MUC4: variants seen among roughly 807,000 people sequenced by gnomAD.
The protein encoded by MUC4 is mucin 4, cell surface associated, also known as mucin-4.
A neutral mutation model predicts 257.9 loss-of-function variants in MUC4; 202 were observed. That is an observed-to-expected ratio of 0.78 (90% CI 0.70 to 0.88). The LOEUF (loss-of-function observed/expected upper bound fraction) is 0.88, where lower values mean the gene tolerates loss of function less well. Ranked by LOEUF, MUC4 falls within the 40% of genes least tolerant of loss-of-function variation. MUC4 has a pLI of 0.00. For synonymous variants in MUC4, 2,351 were observed against 2,757.1 expected (o/e 0.85, Z 4.62); for missense variants, 5,976 against 6,513.7 (o/e 0.92, Z 2.84).
rs71321850 is a variant in MUC4 at position 195,788,270 on chromosome 3, A to C, written c.3310T>G (p.Ser1104Ala). The change falls in exon 2 of 25, where the codon TCT (serine) becomes GCT (alanine). Residue 1104 changes from serine (S) to alanine (A), a missense_variant. Physicochemically the swap from Ser to Ala is moderately conservative, Grantham distance 99. Around this residue, in one of 44 missense-constraint regions of MUC4, gnomAD observed 68 missense variants for 90.4 expected, o/e 0.75. Transcript: ENST00000463781. Reference sequence around the variant, plus strand: ...GAGGAAGTGTCGGTGACAGGAAGAGAGGTGGCGTGACCTGTGGATGCTGAG... The same window carrying C: ...GAGGAAGTGTCGGTGACAGGAAGAGCGGTGGCGTGACCTGTGGATGCTGAG... ...TSSASTGHAT[S>A]LPVTDTSSVS... The C allele has an allele frequency of 2.8e-6, 1 of 360,354 alleles. No individual in the cohort carries two copies. Among genetic ancestry groups the C allele is most frequent in the Non-Finnish European group, 3.4e-6 (1 of 291,622 alleles). The allele number at this position is 360,354 out of a possible 1,614,324, so 22.3% of individuals were successfully genotyped here.
Position 195,782,090 on chromosome 3 carries a change from C to G in MUC4, c.9490G>C (p.Gly3164Arg). Residue 3164 changes from glycine (G) to arginine (R), a missense_variant, in exon 2 of 25, where the codon GGT becomes CGT. Gly to Arg is a moderately radical substitution (Grantham distance 125, BLOSUM62 -2). Coordinates refer to ENST00000463781, the MANE Select transcript of MUC4 (RefSeq NM_018406.7). Reference protein sequence around the residue: ...PVTDTSSASTGQATPLPVTSL... With the variant: ...PVTDTSSASTRQATPLPVTSL... Reference sequence around the variant, plus strand: ...GTGACAGGAAGAGGGGTGGCCTGACCTGTGGATGCTGAGGAAGTGTCGGTG... The same window carrying G: ...GTGACAGGAAGAGGGGTGGCCTGACGTGTGGATGCTGAGGAAGTGTCGGTG... 7.3e-7 allele frequency: 1 copy of G among 1,371,442 alleles called. No individual in the cohort carries two copies. The highest frequency in any genetic ancestry group is 9.6e-7 in the Non-Finnish European group (1 of 1,040,672). 85.0% of individuals were successfully genotyped at this position (1,371,442 alleles called of 1,614,324 possible).
chr3:195,754,364 G>A lies in MUC4; in HGVS notation c.15177C>T (p.Gly5059=). 2 of 1,607,790 alleles carry A rather than the reference G, an allele frequency of 1.2e-6. No individual in the cohort carries two copies. Among genetic ancestry groups the A allele is most frequent in the Non-Finnish European group, 1.7e-6 (2 of 1,177,380 alleles). ...RVGNSSLEVA[G]CKCDGGTFGR... ...CGAAGGTGCCCCCGTCACACTTGCA[G>A]CCAGCCACCTGGAGGAGGGTTGCCG... The change falls in exon 19 of 25, where the codon GGC becomes GGT. Residue 5059 remains glycine (G), a synonymous_variant. Coordinates refer to ENST00000463781, the MANE Select transcript of MUC4 (RefSeq NM_018406.7).
At chr3:195,749,171 G>A in intron 23 of MUC4, 107 bp from the exon 24 acceptor site, 3 of 1,380,644 alleles carry the variant, frequency 2.2e-6, no homozygotes, top group South Asian at 1.3e-5. Flanking sequence ...GAAATAATTG[G>A]AGAAGTGCAC....
intron 3 of MUC4, among the ~76,000 whole-genome samples, chr3:195,775,731 C>A (rs1213563234): frequency 8.3e-5 from 2 of 23,998 alleles, no homozygotes; most frequent in South Asian, 1.1e-3. Flanking sequence ...ACATCCATAC[C>A]TTCCACACCC....
rs1728970580 is a variant in MUC4 at position 195,782,872 on chromosome 3, GAAAGGC to G, written c.8702_8707del (p.Ser2901_Ser2903delinsThr). 1 of 1,520,978 alleles carries G rather than the reference GAAAGGC, an allele frequency of 6.6e-7. No homozygotes were observed. Among genetic ancestry groups the G allele is most frequent in the African/African-American group, 1.5e-5 (1 of 68,474 alleles). The allele number at this position is 1,520,978 out of a possible 1,614,324, so 94.2% of individuals were successfully genotyped here. A position where few individuals can be genotyped will look rare whatever the true frequency, so the allele number is the denominator to read the frequency against. On this transcript the variant is annotated inframe_deletion, in exon 2 of 25. Transcript: ENST00000463781. ...CGTGGTGTCACCTGTGGATACTGAG[GAAAGGC>G]TGGTGAGAGGAAGAGGGGTAGCGTG...
chr3:195,811,712 T>G, intron 1 of MUC4, 24 bp downstream of exon 1: 2 of 1,611,006 alleles, frequency 1.2e-6, no homozygotes, highest in South Asian at 1.1e-5. Flanking sequence ...GCAGCCAGCC[T>G]CATCTGCTGT....
intron 1 of MUC4, among the ~76,000 whole-genome samples, chr3:195,802,406 C>CACACCCCT (rs1560418892): frequency 3.3e-5 from 5 of 152,206 alleles, no homozygotes; most frequent in African/African-American, 9.7e-5. Flanking sequence ...CAGCCTCCAC[C>CACACCCCT]GCACCCCTGT....
intron 3 of MUC4, 141 bp downstream of exon 3, chr3:195,778,162 G>A: frequency 2.6e-6 from 3 of 1,154,548 alleles, no homozygotes; most frequent in East Asian, 2.8e-5. Context: ...CCAGCCCTCA[G>A]GAGCGACTCC....
intron 7 of MUC4, among the ~76,000 whole-genome samples, chr3:195,767,728 C>T (rs1560264119): frequency 2.6e-4 from 1 of 3,800 alleles, no homozygotes; most frequent in Non-Finnish European, 5.4e-4. Context: ...CCACCACCAT[C>T]ACCACCACCA....
At position 195,750,869 on chromosome 3, in the gene MUC4, C is replaced by T; in HGVS notation, c.15871+20G>A. On this transcript the variant is annotated intron_variant, in intron 23 of 24. Transcript: ENST00000463781. ...CCCCCGCAGTGACCCCCATAGTGTC[C>T]CCGGAATGGACGGACTCACGGGCTG... 1.9e-6 allele frequency: 3 copies of T among 1,610,840 alleles called. No individual in the cohort carries two copies. Among genetic ancestry groups the T allele is most frequent in the Non-Finnish European group, 2.5e-6 (3 of 1,178,592 alleles).
Position 195,784,899 on chromosome 3 carries a change from G to A in MUC4, c.6681C>T (p.Val2227=), listed in dbSNP as rs1449387188. 2 of 1,439,476 alleles carry A rather than the reference G, an allele frequency of 1.4e-6. No homozygotes were observed. Among genetic ancestry groups the A allele is most frequent in the Non-Finnish European group, 1.9e-6 (2 of 1,060,036 alleles). 89.2% of individuals were successfully genotyped at this position (1,439,476 alleles called of 1,614,324 possible). A position where few individuals can be genotyped will look rare whatever the true frequency, so the allele number is the denominator to read the frequency against. Residue 2227 remains valine (V), a synonymous_variant, in exon 2 of 25, where the codon GTC becomes GTT. Transcript: ENST00000463781. ...CTGTGGATGCTGAGGAAGTGTCGGT[G>A]ACAAGAAGAGGGATGGCGTGACCTG... The part of the protein sequence containing the change: ...ASTGHAIPLL[V]TDTSSASTGQ...
chr3:195,775,918 A>G (rs868238008), intron 3 of MUC4, among the ~76,000 whole-genome samples: 4,380 of 43,610 alleles, frequency 0.1, 7 homozygotes, highest in East Asian at 0.28. Flanking sequence ...TACCTTCCAC[A>G]CCCATACCTT....
At chr3:195,797,027 G>A (rs1734661192) in intron 1 of MUC4, among the ~76,000 whole-genome samples, 1 of 152,218 alleles carries the variant, frequency 6.6e-6, no homozygotes, top group Non-Finnish European at 1.5e-5. Context: ...CGGATCACTT[G>A]AGGCCGGGAG....
rs1343489995 is a variant in MUC4 at position 195,780,218 on chromosome 3, C to T, written c.11362G>A (p.Gly3788Ser). 10 of 1,477,270 alleles carry T rather than the reference C, an allele frequency of 6.8e-6. No homozygotes were observed. In the Admixed American group the frequency reaches 1.2e-4, roughly 18 times the overall value. 91.5% of individuals were successfully genotyped at this position (1,477,270 alleles called of 1,614,324 possible). The part of the protein sequence containing the change: ...PVTDASSAST[G>S]DTTPLPVTDT... ...GTGACAGGAAGAGGGGTGGTGTCAC[C>T]TGTGGATGCTGAGGAAGCGTCGGTG... Residue 3788 changes from glycine (G) to serine (S), a missense_variant, in exon 2 of 25, where the codon GGT (glycine) becomes AGT (serine). Coordinates refer to ENST00000463781, the MANE Select transcript of MUC4 (RefSeq NM_018406.7).
At chr3:195,750,767 G>A (rs548601700) in intron 23 of MUC4, 122 bp downstream of exon 23, 92 of 948,486 alleles carry the variant, frequency 9.7e-5, no homozygotes, top group African/African-American at 4.0e-4. Flanking sequence ...AAATGTTCAC[G>A]TTTTCGCTCA....
rs189005136 is a variant in MUC4, at chr3:195,769,468, C to T, written c.13399-316G>A. 1,120 of 337,042 alleles carry T rather than the reference C, an allele frequency of 3.3e-3. 16 individuals carry two copies. The highest frequency in any genetic ancestry group is 0.022 in the African/African-American group (1,066 of 49,178). 20.9% of individuals were successfully genotyped at this position (337,042 alleles called of 1,614,324 possible). ...AGAGAAAGCTACCAGAACCTGAGATCAGCCAAGATACCAGAGAGCTAGAGA... is the reference window on the plus strand; with the variant it reads ...AGAGAAAGCTACCAGAACCTGAGATTAGCCAAGATACCAGAGAGCTAGAGA... On this transcript the variant is annotated intron_variant, in intron 6 of 24. Transcript: ENST00000463781.
chr3:195,779,602 A>C lies in MUC4; in HGVS notation c.11978T>G (p.Val3993Gly), dbSNP rs200706465. 1.2e-5 allele frequency: 9 copies of C among 752,528 alleles called. No homozygotes were observed. Among genetic ancestry groups the C allele is most frequent in the African/African-American group, 5.4e-5 (1 of 18,394 alleles). The allele number at this position is 752,528 out of a possible 1,614,324, so 46.6% of individuals were successfully genotyped here. Reference protein sequence around the residue: ...TPLPVTDTSSVSTGHATPLPV... With the variant: ...TPLPVTDTSSGSTGHATPLPV... The stretch of plus-strand genomic sequence containing the variant: ...AAGAGGGGTGGCGTGACCTGTGGAT[A>C]CTGAGGAAGTGTCGGTGACAGGAAG... Residue 3993 changes from valine to glycine, a missense_variant, in exon 2 of 25, where the codon GTA (valine) becomes GGA (glycine). Around this residue, in one of 44 missense-constraint regions of MUC4, gnomAD observed 293 missense variants for 294.5 expected, o/e 1.00. Coordinates refer to ENST00000463781, the MANE Select transcript of MUC4 (RefSeq NM_018406.7).
At position 195,771,535 on chromosome 3, in the gene MUC4, C is replaced by T. The variant is rs564857047; in HGVS notation, c.13242+117G>A. 626 of 1,222,450 alleles carry T rather than the reference C, an allele frequency of 5.1e-4. 2 individuals are homozygous for T. The highest frequency in any genetic ancestry group is 6.7e-4 in the Non-Finnish European group (591 of 883,742). 75.7% of individuals were successfully genotyped at this position (1,222,450 alleles called of 1,614,324 possible). A position where few individuals can be genotyped will look rare whatever the true frequency, so the allele number is the denominator to read the frequency against. On this transcript the variant is annotated intron_variant, in intron 5 of 24. Coordinates refer to ENST00000463781, the MANE Select transcript of MUC4 (RefSeq NM_018406.7). ...TCCTCCCACACCCATATTTAAGCCTCAGTCCCCTGCTGCAGGGGCTGTCAC... is the reference window on the plus strand; with the variant it reads ...TCCTCCCACACCCATATTTAAGCCTTAGTCCCCTGCTGCAGGGGCTGTCAC...
Position 195,778,386 on chromosome 3 carries a change from G to A in MUC4, c.12860C>T (p.Ser4287Phe). The A allele has an allele frequency of 6.2e-7, 1 of 1,613,320 alleles. No homozygotes were observed. Among genetic ancestry groups the A allele is most frequent in the East Asian group, 2.2e-5 (1 of 44,886 alleles). Residue 4287 changes from serine to phenylalanine, a missense_variant, in exon 3 of 25, where the codon TCC becomes TTC. Physicochemically the swap from Ser to Phe is radical, Grantham distance 155. This residue lies in a region of MUC4 where 233 missense variants were observed against 171.2 expected (regional missense o/e 1.36). Transcript: ENST00000463781. ...RTATSPPPTT[S>F]QTIISTIPST... ...GGGAATGGTGGAAATGATGGTCTGG[G>A]AGGTTGTGGGGGGTGGTGATGTGGC...
Sources: gnomAD v4.1 joint callset for allele counts (sites outside exome capture counted in the v4.1 genomes callset) on GRCh38, gnomAD v4.1.1 for gene constraint, gnomAD v4.1.1 regional missense constraint, MANE v1.5 for transcripts, NCBI Gene and HGNC (gene_info 2026-07-23, HGNC 2026-07-21) for gene names.